Variants in CLVS2 observed in about 807,000 individuals in gnomAD.
The protein encoded by CLVS2 is clavesin-2.
In CLVS2, 19 loss-of-function variants were observed where a neutral mutation model predicts 29.0. The observed-to-expected ratio is 0.66, with a 90% CI of 0.46 to 0.96. The LOEUF is 0.96. CLVS2 is among the 40% of genes least tolerant of loss of function. The pLI, the probability that CLVS2 is intolerant of heterozygous loss-of-function variation, is 0.00. For synonymous variants in CLVS2, 161 were observed against 151.3 expected, an observed-to-expected ratio of 1.06 and a Z score of -0.47; for missense variants, 294 against 404.1, an observed-to-expected ratio of 0.73 and a Z score of 2.34.
At chr6:123,036,303 G>T (rs1775153259) in intron 3 of CLVS2, among the ~76,000 whole-genome samples, 1 of 152,102 alleles carries the variant, frequency 6.6e-6, no homozygotes, top group Admixed American at 6.6e-5. Flanking sequence ...GTCACAGGGG[G>T]TAAAGCAAAA....
At chr6:123,010,670 A>C (rs574428927) in intron 2 of CLVS2, among the ~76,000 whole-genome samples, 12 of 152,170 alleles carry the variant, frequency 7.9e-5, no homozygotes, top group Admixed American at 7.9e-4. Context: ...GAACCACTTA[A>C]AACGTGTGAT....
At chr6:123,058,273 C>T (rs1251450066) in intron 5 of CLVS2, among the ~76,000 whole-genome samples, 1 of 152,116 alleles carries the variant, frequency 6.6e-6, no homozygotes, top group Non-Finnish European at 1.5e-5. Flanking sequence ...GTCTTTCACA[C>T]CACTGACATA....
chr6:123,011,157 C>A lies in CLVS2; in HGVS notation c.562C>A (p.Gln188Lys). The A allele has an allele frequency of 6.4e-7, 1 of 1,559,434 alleles. No homozygotes were observed. Among genetic ancestry groups the A allele is most frequent in the Non-Finnish European group, 8.7e-7 (1 of 1,149,076 alleles). ...GCTGCGATTAGCTATTGAAGGCCTG[C>A]AGGTAGGATATGGAAATTACCTACT... is the stretch of plus-strand genomic sequence containing the variant. Reference protein sequence around the residue: ...SMLRLAIEGLQDSFPARFGGI... With the variant: ...SMLRLAIEGLKDSFPARFGGI... The change falls in exon 3 of 6, where the codon CAG becomes AAG. Residue 188 changes from glutamine to lysine, a missense_variant and splice_region_variant. Around this residue, in one of 2 missense-constraint regions of CLVS2, gnomAD observed 212 missense variants for 336.4 expected, o/e 0.63. Coordinates refer to ENST00000275162, the MANE Select transcript of CLVS2 (RefSeq NM_001010852.4).
chr6:123,045,652 G>T (rs1772480230), intron 3 of CLVS2, among the ~76,000 whole-genome samples: 1 of 152,152 alleles, frequency 6.6e-6, no homozygotes, highest in Non-Finnish European at 1.5e-5. Context: ...CACCTTATAG[G>T]GTAGGGGATG....
rs541289827 is a variant in CLVS2 at position 123,072,020 on chromosome 6, G to T, written c.*8259G>T. 6.6e-6 allele frequency: 1 copy of T among 152,042 alleles called. No homozygotes were observed. Among genetic ancestry groups the T allele is most frequent in the Non-Finnish European group, 1.5e-5 (1 of 67,930 alleles). 9.4% of individuals were successfully genotyped at this position (152,042 alleles called of 1,614,324 possible). ...CAAATTTTTATTTCCTATTTGGACT[G>T]ACTTCTCCATAATTTTAGTAACTAA... On this transcript the variant is annotated 3_prime_UTR_variant, in exon 6 of 6. Coordinates refer to ENST00000275162, the MANE Select transcript of CLVS2 (RefSeq NM_001010852.4).
At chr6:123,062,361 T>C (rs1772791223) in intron 5 of CLVS2, among the ~76,000 whole-genome samples, 1 of 152,112 alleles carries the variant, frequency 6.6e-6, no homozygotes, top group African/African-American at 2.4e-5. Context: ...CTCTATTCTC[T>C]CTACTCTTTC....
chr6:123,022,257 C>G, intron 3 of CLVS2, among the ~76,000 whole-genome samples: 1 of 151,996 alleles, frequency 6.6e-6, no homozygotes, highest in East Asian at 1.9e-4. Context: ...TTTTATCAAA[C>G]TGTCTGATTT....
intron 3 of CLVS2, among the ~76,000 whole-genome samples, chr6:123,023,919 A>G (rs112432289): frequency 0.033 from 5,087 of 152,240 alleles, 119 homozygotes; most frequent in Non-Finnish European, 0.052. Flanking sequence ...TACATGAAAG[A>G]AATTGGCATG....
chr6:122,999,487 G>A (rs926297075), intron 2 of CLVS2, among the ~76,000 whole-genome samples: 2 of 152,118 alleles, frequency 1.3e-5, no homozygotes, highest in African/African-American at 4.8e-5. Context: ...ATGGAGTTTT[G>A]TTACTTACTT....
At chr6:123,049,780 C>A (rs1214247305) in intron 4 of CLVS2, among the ~76,000 whole-genome samples, 1 of 143,278 alleles carries the variant, frequency 7.0e-6, no homozygotes, top group Admixed American at 7.1e-5. Flanking sequence ...AGGGGAATAT[C>A]ACACACCGGG....
At chr6:123,054,563 C>T (rs1177339595) in intron 4 of CLVS2, among the ~76,000 whole-genome samples, 1 of 152,126 alleles carries the variant, frequency 6.6e-6, no homozygotes, top group Non-Finnish European at 1.5e-5. Flanking sequence ...TTCTTTGTTT[C>T]CCAATGTATT....
intron 4 of CLVS2, among the ~76,000 whole-genome samples, chr6:123,051,075 A>G (rs571280215): frequency 1.3e-5 from 2 of 152,118 alleles, no homozygotes; most frequent in Non-Finnish European, 2.9e-5. Context: ...ACACAGTGCA[A>G]AGCTATTAAA....
In CLVS2 at chr6:123,010,977, G is replaced by A. The variant is rs368798011; in HGVS notation, c.390-8G>A. The A allele has an allele frequency of 3.0e-5, 44 of 1,452,082 alleles. No homozygotes were observed. Among genetic ancestry groups the A allele is most frequent in the Non-Finnish European group, 3.5e-5 (38 of 1,090,340 alleles). 89.9% of individuals were successfully genotyped at this position (1,452,082 alleles called of 1,614,324 possible). On this transcript the variant is annotated splice_polypyrimidine_tract_variant and splice_region_variant and intron_variant, in intron 2 of 5. Transcript: ENST00000275162. ...AGACCTAATTTAGTACTTTTCTGTC[G>A]CCGATAGGTACACACTGGTGGATAT... is the stretch of plus-strand genomic sequence containing the variant.
chr6:123,050,194 T>C (rs1772584077), intron 4 of CLVS2, among the ~76,000 whole-genome samples: 1 of 152,202 alleles, frequency 6.6e-6, no homozygotes, highest in Non-Finnish European at 1.5e-5. Context: ...AATTCATATT[T>C]TGGAATTCAG....
chr6:123,002,355 C>T (rs1164828480), intron 2 of CLVS2, among the ~76,000 whole-genome samples: 1 of 152,136 alleles, frequency 6.6e-6, no homozygotes, highest in Non-Finnish European at 1.5e-5. Context: ...TGTCAGTTTG[C>T]TCCTATTGTG....
At chr6:123,017,757 A>G (rs1404989422) in intron 3 of CLVS2, among the ~76,000 whole-genome samples, 1 of 152,074 alleles carries the variant, frequency 6.6e-6, no homozygotes, top group Non-Finnish European at 1.5e-5. Context: ...TTGATAATGG[A>G]CTAGATTAAT....
In CLVS2 at chr6:123,067,803, A is replaced by AGGCGGAGGAGCC. The variant is rs1772885713; in HGVS notation, c.*4042_*4043insGGCGGAGGAGCC. On this transcript the variant is annotated 3_prime_UTR_variant, in exon 6 of 6. Coordinates refer to ENST00000275162, the MANE Select transcript of CLVS2 (RefSeq NM_001010852.4). The stretch of plus-strand genomic sequence containing the variant: ...ATATTGGAACAAAAGAAGATTGGTT[A>AGGCGGAGGAGCC]AATATGCAAGGTGTGTAATTATCTT... 1 of 151,782 alleles carries AGGCGGAGGAGCC rather than the reference A, an allele frequency of 6.6e-6. No individual in the cohort carries two copies. The highest frequency in any genetic ancestry group is 1.5e-5 in the Non-Finnish European group (1 of 67,726). The allele number at this position is 151,782 out of a possible 1,614,324, so 9.4% of individuals were successfully genotyped here. A position where few individuals can be genotyped will look rare whatever the true frequency, so the allele number is the denominator to read the frequency against.
chr6:123,022,445 A>G (rs560355883), intron 3 of CLVS2, among the ~76,000 whole-genome samples: 1 of 152,156 alleles, frequency 6.6e-6, no homozygotes, highest in South Asian at 2.1e-4. Flanking sequence ...TATGATTACA[A>G]GATGATAAAA....
chr6:123,040,522 C>T (rs975883469), intron 3 of CLVS2, among the ~76,000 whole-genome samples: 2 of 152,200 alleles, frequency 1.3e-5, no homozygotes, highest in African/African-American at 2.4e-5. Flanking sequence ...GCGCCAGGCG[C>T]AGTGGCTTAT....
Sources: allele counts gnomAD v4.1 joint callset (sites outside exome capture counted in the v4.1 genomes callset), GRCh38; gene constraint gnomAD v4.1.1; regional missense constraint gnomAD v4.1.1; transcripts MANE v1.5; gene names NCBI Gene and HGNC (gene_info 2026-07-23, HGNC 2026-07-21).